Variants in RNF6 observed in about 807,000 individuals in gnomAD.
RNF6 encodes the protein E3 ubiquitin-protein ligase RNF6.
Under a neutral mutation model 50.1 loss-of-function variants are expected in RNF6, and 21 were observed. That is an observed-to-expected ratio of 0.42 (90% CI 0.30 to 0.60). The LOEUF is 0.60. Among genes scored for constraint, RNF6 ranks in the 20% least tolerant of loss-of-function variants. The pLI is 0.20. For synonymous variants in RNF6, 255 were observed against 291.8 expected, an observed-to-expected ratio of 0.87 and a Z score of 1.29; for missense variants, 698 against 838.2, an observed-to-expected ratio of 0.83 and a Z score of 2.07.
intron 1 of RNF6, chr13:26,221,762 G>T (rs1453595848): frequency 1.3e-5 from 2 of 152,196 alleles, no homozygotes; most frequent in African/African-American, 4.8e-5. Flanking sequence ...AATAAAGTGG[G>T]CTCAAGAGGC....
intron 5 of RNF6, among the ~76,000 whole-genome samples, chr13:26,185,838 C>G (rs952727973): frequency 6.6e-6 from 1 of 152,200 alleles, no homozygotes; most frequent in Non-Finnish European, 1.5e-5. Flanking sequence ...AACTACGAAC[C>G]TTGTGCCTTT....
intron 5 of RNF6, among the ~76,000 whole-genome samples, chr13:26,164,311 C>G (rs1188768288): frequency 6.6e-6 from 1 of 152,170 alleles, no homozygotes; most frequent in Non-Finnish European, 1.5e-5. Context: ...GCTAGAGCCA[C>G]CAACCCTGTA....
At position 26,214,194 on chromosome 13, in the gene RNF6, C is replaced by G; in HGVS notation, c.1688G>C (p.Ser563Thr). The G allele has an allele frequency of 6.2e-7, 1 of 1,614,204 alleles. No individual in the cohort carries two copies. Among genetic ancestry groups the G allele is most frequent in the Admixed American group, 1.7e-5 (1 of 60,020 alleles). ...CAACTGCCTGCCACCCCTACTGTCA[C>G]TGTTTCGAGTATGAGGCTGGGTGGT... ...NETTQPHTRN[S>T]DSRGGRQLRN... is the part of the protein sequence containing the mutation. Residue 563 changes from serine (S) to threonine (T), a missense_variant, in exon 5 of 5, where the codon AGT becomes ACT. Ser to Thr is a moderately conservative substitution (Grantham distance 58). Coordinates refer to ENST00000381588, the MANE Select transcript of RNF6 (RefSeq NM_005977.4).
At chr13:26,176,899 A>T (rs1872980954) in intron 5 of RNF6, among the ~76,000 whole-genome samples, 1 of 152,172 alleles carries the variant, frequency 6.6e-6, no homozygotes, top group Non-Finnish European at 1.5e-5. Flanking sequence ...GCGCGATTGC[A>T]CTCCAGCCTG....
intron 5 of RNF6, chr13:26,154,323 T>C (rs1300584515): frequency 6.6e-6 from 1 of 152,240 alleles, no homozygotes. Flanking sequence ...AGCTATTTTG[T>C]CTTTTTTTGA....
At chr13:26,163,991 A>G (rs1391160951) in intron 5 of RNF6, among the ~76,000 whole-genome samples, 1 of 152,240 alleles carries the variant, frequency 6.6e-6, no homozygotes, top group Non-Finnish European at 1.5e-5. Context: ...GAGCTATAGT[A>G]GCTGTCACAA....
chr13:26,180,877 G>A (rs1426186661), intron 5 of RNF6, among the ~76,000 whole-genome samples: 4 of 152,174 alleles, frequency 2.6e-5, no homozygotes, highest in Non-Finnish European at 5.9e-5. Context: ...GGGCCCACTG[G>A]GTATTCTAAA....
chr13:26,197,144 C>G (rs1868697711), intron 5 of RNF6, among the ~76,000 whole-genome samples: 1 of 151,860 alleles, frequency 6.6e-6, no homozygotes, highest in African/African-American at 2.4e-5. Flanking sequence ...TCTAACATGA[C>G]TTCTGGCAGG....
intron 5 of RNF6, among the ~76,000 whole-genome samples, chr13:26,169,502 T>C (rs1872595288): frequency 6.6e-6 from 1 of 152,210 alleles, no homozygotes; most frequent in African/African-American, 2.4e-5. Context: ...GCCCCTGACC[T>C]ACCTTTTTTT....
intron 5 of RNF6, among the ~76,000 whole-genome samples, chr13:26,170,239 CAA>C (rs10712832): frequency 1.1e-3 from 149 of 138,980 alleles, no homozygotes; most frequent in Non-Finnish European, 1.1e-3. Context: ...CTGGATTTTA[CAA>C]AAAAAAAAAA....
At chr13:26,163,694 G>C (rs868624439) in intron 5 of RNF6, among the ~76,000 whole-genome samples, 74 of 152,122 alleles carry the variant, frequency 4.9e-4, no homozygotes, top group African/African-American at 1.5e-3. Context: ...GGTAATCTGA[G>C]ATCCCTCCTG....
chr13:26,219,329 C>G, intron 3 of RNF6, 128 bp downstream of exon 3: 1 of 802,940 alleles, frequency 1.2e-6, no homozygotes, highest in South Asian at 2.4e-5. Context: ...AGTTCTTAAA[C>G]TCACAAAAAC....
chr13:26,219,272 C>T (rs916994353), intron 3 of RNF6, 185 bp downstream of exon 3: 18 of 521,488 alleles, frequency 3.5e-5, no homozygotes, highest in Admixed American at 1.4e-4. Context: ...CTATTTTCAC[C>T]TTATAAAATA....
At chr13:26,168,055 G>A (rs921428288) in intron 5 of RNF6, among the ~76,000 whole-genome samples, 1 of 152,138 alleles carries the variant, frequency 6.6e-6, no homozygotes, top group Non-Finnish European at 1.5e-5. Context: ...TAGGGTGGAG[G>A]GTGGGAGGAG....
chr13:26,223,008 A>T (rs1255726825), upstream of RNF6, among the ~76,000 whole-genome samples: 1 of 152,104 alleles, frequency 6.6e-6, no homozygotes. Flanking sequence ...AGGCTTACTA[A>T]ACTTACCTCA....
Position 26,216,677 on chromosome 13 carries a change from G to A in RNF6, c.290-1085C>T, listed in dbSNP as rs540434845. Among the ~76,000 whole-genome samples, 66 of 152,200 alleles carry A rather than the reference G, an allele frequency of 4.3e-4. 1 individual carries two copies. Among genetic ancestry groups the A allele is most frequent in the African/African-American group, 1.4e-3 (58 of 41,530 alleles). On this transcript the variant is annotated intron_variant, in intron 4 of 4. Transcript: ENST00000381588. ...TACTCAAAAATAGCTATTATAGGCC[G>A]GGCGCGGTGGCTCACACCTGTAATC...
intron 3 of RNF6, among the ~76,000 whole-genome samples, chr13:26,218,881 A>G (rs1870173629): frequency 6.6e-6 from 1 of 152,234 alleles, no homozygotes; most frequent in African/African-American, 2.4e-5. Flanking sequence ...TTAGGAATCT[A>G]TAAGCTATAA....
intron 5 of RNF6, among the ~76,000 whole-genome samples, chr13:26,188,078 C>T (rs1593176329): frequency 6.6e-6 from 1 of 152,310 alleles, no homozygotes; most frequent in East Asian, 1.9e-4. Context: ...CCCTAATAGT[C>T]TAGGAATTCT....
rs564105680 is a variant in RNF6, at chr13:26,152,582, T to C, written n.769-20131A>G. Among the ~76,000 whole-genome samples, 6 of 152,338 alleles carry C rather than the reference T, an allele frequency of 3.9e-5. No individual in the cohort carries two copies. The East Asian group carries it at 9.7e-4, about 25-fold the overall frequency. ...ATTCATCCTTAAATGTTTAATTCCA[T>C]GAACAGATTTTGACACATGCTATGT... On this transcript the variant is annotated intron_variant and non_coding_transcript_variant, in intron 5 of 5. Coordinates refer to the RNF6 transcript ENST00000468480.
Sources: allele counts gnomAD v4.1 joint callset (sites outside exome capture counted in the v4.1 genomes callset), GRCh38; gene constraint gnomAD v4.1.1; transcripts MANE v1.5; gene names NCBI Gene and HGNC (gene_info 2026-07-23, HGNC 2026-07-21).